INTS11: variants seen among roughly 807,000 people sequenced by gnomAD.
INTS11 encodes the protein integrator complex subunit 11.
Under a neutral mutation model 78.6 loss-of-function variants are expected in INTS11, and 77 were observed. That is an observed-to-expected ratio of 0.98 (90% CI 0.81 to 1.18). The LOEUF (loss-of-function observed/expected upper bound fraction) is 1.18. INTS11 is among the 50% of genes most tolerant of loss of function. The pLI is 0.00. For synonymous variants in INTS11, 441 were observed against 326.9 expected (o/e 1.35, Z -3.77); for missense variants, 875 against 825.9 (o/e 1.06, Z -0.73).
At position 1,312,005 on chromosome 1, in the gene INTS11, G is replaced by A. The variant is rs923072220; in HGVS notation, c.1737+13C>T. On this transcript the variant is annotated intron_variant, in intron 16 of 16. Coordinates refer to ENST00000435064, the MANE Select transcript of INTS11 (RefSeq NM_017871.6). ...CCTGTGTTGACCGCGGTGGGGTGGGGGTCACCCCTTACCTGGTAGGTCCAG... is the reference window on the plus strand; with the variant it reads ...CCTGTGTTGACCGCGGTGGGGTGGGAGTCACCCCTTACCTGGTAGGTCCAG... 12 of 1,584,948 alleles carry A rather than the reference G, an allele frequency of 7.6e-6. No homozygotes were observed. Among genetic ancestry groups the A allele is most frequent in the Non-Finnish European group, 4.3e-6 (5 of 1,166,014 alleles).
intron 9 of INTS11, 28 bp from the exon 10 acceptor site, chr1:1,313,620 G>C (rs1377495253): frequency 6.2e-7 from 1 of 1,612,428 alleles, no homozygotes; most frequent in South Asian, 1.1e-5. Context: ...CCAGGTGGGG[G>C]GTCAGGGCAG....
Position 1,311,740 on chromosome 1 carries a change from T to G in INTS11, c.*119A>C, listed in dbSNP as rs1248763714. 1.5e-5 allele frequency: 16 copies of G among 1,054,162 alleles called. No homozygotes were observed. Among genetic ancestry groups the G allele is most frequent in the Non-Finnish European group, 2.1e-5 (15 of 710,574 alleles). The allele number at this position is 1,054,162 out of a possible 1,614,324, so 65.3% of individuals were successfully genotyped here. On this transcript the variant is annotated 3_prime_UTR_variant, in exon 17 of 17. Coordinates refer to ENST00000435064, the MANE Select transcript of INTS11 (RefSeq NM_017871.6). ...GCAGGCAGGTGACACAAGGCCTCTG[T>G]CCCCAGGGATGGGACCTGCAGGGTC...
At chr1:1,324,189 A>ACTGGAGGGCTGTGG (rs1569597402) in intron 1 of INTS11, among the ~76,000 whole-genome samples, 1 of 29,558 alleles carries the variant, frequency 3.4e-5, no homozygotes, top group Non-Finnish European at 5.3e-5. Flanking sequence ...GGAGGCTGAG[A>ACTGGAGGGCTGTGG]GGCTGGGGAG....
Position 1,320,528 on chromosome 1 carries a change from C to A in INTS11, c.128G>T (p.Arg43Leu). 1.9e-6 allele frequency: 3 copies of A among 1,613,776 alleles called. No homozygotes were observed. Among genetic ancestry groups the A allele is most frequent in the Non-Finnish European group, 1.7e-6 (2 of 1,179,888 alleles). ...CGMHMGFNDD[R>L]RFPDFSYITQ... ...GATGTAGGAGAAGTCAGGGAAGCGT[C>A]GCTAGGAAGGATGTGGGGGTTTCAG... The change falls in exon 3 of 17, where the codon CGA becomes CTA. Residue 43 changes from arginine to leucine, a missense_variant and splice_region_variant. Arg to Leu is a moderately radical substitution (Grantham distance 102). Coordinates refer to ENST00000435064, the MANE Select transcript of INTS11 (RefSeq NM_017871.6).
At chr1:1,322,969 C>G (rs1643050905) in intron 1 of INTS11, 1 of 1,361,928 alleles carries the variant, frequency 7.3e-7, no homozygotes, top group African/African-American at 1.5e-5. Context: ...TCAGAAAGAT[C>G]AGATGTCCAG....
chr1:1,313,424 C>A, intron 10 of INTS11, 85 bp downstream of exon 10: 1 of 1,488,222 alleles, frequency 6.7e-7, no homozygotes, highest in Non-Finnish European at 9.4e-7. Flanking sequence ...GAGGCCAAGC[C>A]AGTGAGAGCT....
At position 1,311,603 on chromosome 1, in the gene INTS11, TTTG is replaced by T. The variant is rs1415753595; in HGVS notation, c.*253_*255del. Reference sequence around the variant, plus strand: ...CCAAGAAGAGAGTACCAAGTAGTCTTTTGTTCAGCTTTTACTGGAAACTGCTGT... The same window carrying T: ...CCAAGAAGAGAGTACCAAGTAGTCTTTTCAGCTTTTACTGGAAACTGCTGT... On this transcript the variant is annotated 3_prime_UTR_variant, in exon 17 of 17. Transcript: ENST00000435064. The T allele has an allele frequency of 2.8e-6, 2 of 715,664 alleles. No individual in the cohort carries two copies. Among genetic ancestry groups the T allele is most frequent in the African/African-American group, 3.5e-5 (2 of 57,436 alleles). 44.3% of individuals were successfully genotyped at this position (715,664 alleles called of 1,614,324 possible).
Position 1,311,812 on chromosome 1 carries a change from G to C in INTS11, c.*47C>G, listed in dbSNP as rs971725527. On this transcript the variant is annotated 3_prime_UTR_variant, in exon 17 of 17. Transcript: ENST00000435064. ...GTCCTGAAGTGCAGGCCCAGGGTCTGTCCAGCTGGGAGAGGGCAGAGGTGG... is the reference window on the plus strand; with the variant it reads ...GTCCTGAAGTGCAGGCCCAGGGTCTCTCCAGCTGGGAGAGGGCAGAGGTGG... 1 of 1,518,966 alleles carries C rather than the reference G, an allele frequency of 6.6e-7. No homozygotes were observed. The highest frequency in any genetic ancestry group is 8.9e-7 in the Non-Finnish European group (1 of 1,128,306). The allele number at this position is 1,518,966 out of a possible 1,614,324, so 94.1% of individuals were successfully genotyped here.
chr1:1,319,662 G>A, intron 3 of INTS11, 138 bp from the exon 4 acceptor site: 1 of 613,422 alleles, frequency 1.6e-6, no homozygotes, highest in Non-Finnish European at 2.8e-6. Flanking sequence ...AGTCAGTAAT[G>A]AGCAAACACA....
intron 9 of INTS11, 33 bp downstream of exon 9, chr1:1,313,699 G>A: frequency 6.2e-7 from 1 of 1,610,224 alleles, no homozygotes; most frequent in Non-Finnish European, 8.5e-7. Flanking sequence ...CGACGGGTGT[G>A]GATGTGCTGG....
intron 1 of INTS11, chr1:1,322,847 C>G: frequency 9.0e-7 from 1 of 1,116,792 alleles, no homozygotes; most frequent in East Asian, 5.8e-5. Context: ...GAGGCAGTCC[C>G]TGGTGCAGGG....
rs765376373 is a variant in INTS11, at chr1:1,312,849, A to G, written c.1232T>C (p.Leu411Pro). 6.2e-7 allele frequency: 1 copy of G among 1,612,180 alleles called. No individual in the cohort carries two copies. Residue 411 changes from leucine to proline, a missense_variant, in exon 12 of 17, where the codon CTG (leucine) becomes CCG (proline). By Grantham distance (98) the Leu-to-Pro change is moderately conservative. Coordinates refer to ENST00000435064, the MANE Select transcript of INTS11 (RefSeq NM_017871.6). ...CTTCTTGGCCTCGCCATGCACCAGC[A>G]GCACGCTCTCCGGCTCTGCCTGGCC... ...LVGQAEPESV[L>P]LVHGEAKKME...
intron 1 of INTS11, chr1:1,323,413 T>G: frequency 8.8e-7 from 1 of 1,133,748 alleles, no homozygotes; most frequent in Non-Finnish European, 1.2e-6. Flanking sequence ...GTTACGACTT[T>G]GACTTTCTTT....
At position 1,315,455 on chromosome 1, in the gene INTS11, G is replaced by A. The variant is rs374432838; in HGVS notation, c.529-17C>T. 220 of 1,612,962 alleles carry A rather than the reference G, an allele frequency of 1.4e-4. No homozygotes were observed. Among genetic ancestry groups the A allele is most frequent in the Middle Eastern group, 9.9e-4 (6 of 6,080 alleles). The stretch of plus-strand genomic sequence containing the variant: ...ATAATCACCCTGGTGAACGATCAAG[G>A]ATGCCATGAGGAGGGTGCCTCCCAC... On this transcript the variant is annotated splice_polypyrimidine_tract_variant and intron_variant, in intron 5 of 16. Coordinates refer to ENST00000435064, the MANE Select transcript of INTS11 (RefSeq NM_017871.6).
Position 1,314,801 on chromosome 1 carries a change from G to T in INTS11, c.702+23C>A, listed in dbSNP as rs776550612. ...CAGCCCAGCATGGCCGAGGGCCCATGTCCCCACCCCTGCTGCAGCTACCTT... is the reference window on the plus strand; with the variant it reads ...CAGCCCAGCATGGCCGAGGGCCCATTTCCCCACCCCTGCTGCAGCTACCTT... On this transcript the variant is annotated intron_variant, in intron 7 of 16. Transcript: ENST00000435064. The surrounding 1 kb of genome is among the most constrained non-coding windows in gnomAD (Gnocchi z 4.2). 1.9e-6 allele frequency: 3 copies of T among 1,602,860 alleles called. No homozygotes were observed. In the African/African-American group the frequency reaches 4.0e-5, roughly 21 times the overall value.
Position 1,314,001 on chromosome 1 carries a change from C to T in INTS11, c.768-80G>A, listed in dbSNP as rs1442518576. ...CAGGACTCGGCCGGGTCACCCCCAA[C>T]ACCCGTGTCTGCACAGCCCACGCAC... is the stretch of plus-strand genomic sequence containing the variant. On this transcript the variant is annotated intron_variant, in intron 8 of 16. Coordinates refer to ENST00000435064, the MANE Select transcript of INTS11 (RefSeq NM_017871.6). The surrounding 1 kb of genome is among the most constrained non-coding windows in gnomAD (Gnocchi z 4.2). 4.0e-5 allele frequency: 58 copies of T among 1,438,668 alleles called. No individual in the cohort carries two copies. Among genetic ancestry groups the T allele is most frequent in the Admixed American group, 1.8e-5 (1 of 55,964 alleles). 89.1% of individuals were successfully genotyped at this position (1,438,668 alleles called of 1,614,324 possible). A position where few individuals can be genotyped will look rare whatever the true frequency, so the allele number is the denominator to read the frequency against.
rs1415118654 is a variant in INTS11 at position 1,312,877 on chromosome 1, C to T, written c.1204G>A (p.Val402Met). ...ACGCTCTCCGGCTCTGCCTGGCCCA[C>T]CAGCTGCATGATGCCCTTGGCGTCC... ...HADAKGIMQLVGQAEPESVLL... is the reference protein window; with the variant it reads ...HADAKGIMQLMGQAEPESVLL... The change falls in exon 12 of 17, where the codon GTG becomes ATG. Residue 402 changes from valine (V) to methionine (M), a missense_variant. Transcript: ENST00000435064. 2 of 1,612,540 alleles carry T rather than the reference C, an allele frequency of 1.2e-6. No homozygotes were observed. Among genetic ancestry groups the T allele is most frequent in the African/African-American group, 2.7e-5 (2 of 75,068 alleles).
chr1:1,320,646 G>A (rs761612231), intron 2 of INTS11, 117 bp from the exon 3 acceptor site: 2 of 1,027,720 alleles, frequency 1.9e-6, no homozygotes, highest in Non-Finnish European at 3.1e-6. Context: ...ACTCAGGCTG[G>A]GCACTCCCAT....
At chr1:1,323,238 C>A in intron 1 of INTS11, 3 of 1,550,226 alleles carry the variant, frequency 1.9e-6, no homozygotes, top group Non-Finnish European at 2.6e-6. Flanking sequence ...GTGCCCTCGA[C>A]CCCCTGCCCG....
Sources: gnomAD v4.1 joint callset for allele counts (sites outside exome capture counted in the v4.1 genomes callset) on GRCh38, gnomAD v4.1.1 for gene constraint, Gnocchi (gnomAD v3.1) non-coding constraint, MANE v1.5 for transcripts, NCBI Gene and HGNC (gene_info 2026-07-23, HGNC 2026-07-21) for gene names.